TCF12: variants seen among roughly 807,000 people sequenced by gnomAD.
TCF12 encodes the protein transcription factor 12, also known as DNA-binding protein HTF4.
TCF12 carries 45 observed loss-of-function variants against 86.0 expected under a neutral mutation model. The ratio of observed to expected loss-of-function variants is 0.52; its 90% CI spans 0.41 to 0.67. The LOEUF (loss-of-function observed/expected upper bound fraction) is 0.67. Among genes scored for constraint, TCF12 ranks in the 30% least tolerant of loss-of-function variants. The pLI is 0.00. For synonymous variants in TCF12, 330 were observed against 299.6 expected, an observed-to-expected ratio of 1.10 and a Z score of -1.05; for missense variants, 881 against 859.9, an observed-to-expected ratio of 1.02 and a Z score of -0.31.
chr15:57,194,761 A>G (rs538882123), intron 7 of TCF12, among the ~76,000 whole-genome samples: 1 of 152,304 alleles, frequency 6.6e-6, no homozygotes, highest in East Asian at 1.9e-4. Flanking sequence ...CAATACATGA[A>G]ATACACAAAA....
chr15:57,238,668 C>A (rs1039670601), intron 12 of TCF12, among the ~76,000 whole-genome samples: 1 of 152,104 alleles, frequency 6.6e-6, no homozygotes, highest in African/African-American at 2.4e-5. Flanking sequence ...AGTATTATAG[C>A]AAATTTCAAT....
chr15:57,239,328 G>A (rs1228600395), intron 12 of TCF12, among the ~76,000 whole-genome samples: 2 of 151,928 alleles, frequency 1.3e-5, no homozygotes, highest in African/African-American at 4.8e-5. Context: ...TCCAGCCTAG[G>A]CAACAAGAGC....
chr15:57,247,300 T>C, intron 13 of TCF12: 1 of 657,566 alleles, frequency 1.5e-6, no homozygotes, highest in Non-Finnish European at 2.8e-6. Flanking sequence ...TGCCACCACC[T>C]TCACCACCAT....
At chr15:57,011,380 C>T (rs79422565) in intron 3 of TCF12, among the ~76,000 whole-genome samples, 6,261 of 151,946 alleles carry the variant, frequency 0.041, 360 homozygotes, top group African/African-American at 0.13. Context: ...GAGACACCTG[C>T]CCCCCGCTTT....
intron 6 of TCF12, among the ~76,000 whole-genome samples, chr15:57,168,381 T>C (rs774299075): frequency 6.6e-6 from 1 of 152,196 alleles, no homozygotes; most frequent in Non-Finnish European, 1.5e-5. Context: ...CTAGCCCCCA[T>C]TAAGGTATCT....
chr15:57,115,773 C>G (rs2050795520), intron 5 of TCF12, among the ~76,000 whole-genome samples: 1 of 151,834 alleles, frequency 6.6e-6, no homozygotes, highest in Non-Finnish European at 1.5e-5. Flanking sequence ...GTGTGGTGTA[C>G]CATGGATGAC....
rs573579853 is a variant in TCF12 at position 57,288,315 on chromosome 15, A to T, written c.*2170A>T. ...TGTAAGAGCTAATTGTTGGAGATGA[A>T]TTGCTTCTCATCTTGTTCTCCAGTT... On this transcript the variant is annotated 3_prime_UTR_variant, in exon 21 of 21. Coordinates refer to ENST00000333725, the MANE Select transcript of TCF12 (RefSeq NM_207037.2). 2 of 152,702 alleles carry T rather than the reference A, an allele frequency of 1.3e-5. No individual in the cohort carries two copies. The highest frequency in any genetic ancestry group is 4.2e-4 in the South Asian group (2 of 4,818). The allele number at this position is 152,702 out of a possible 1,614,324, so 9.5% of individuals were successfully genotyped here.
Position 57,092,151 on chromosome 15 carries a change from G to T in TCF12, c.325+260G>T, listed in dbSNP as rs533750392. The T allele has an allele frequency of 1.8e-5, 6 of 327,152 alleles. No homozygotes were observed. In the Admixed American group the frequency reaches 2.6e-4, roughly 14 times the overall value. The allele number at this position is 327,152 out of a possible 1,614,324, so 20.3% of individuals were successfully genotyped here. On this transcript the variant is annotated intron_variant, in intron 5 of 20. Transcript: ENST00000333725. Reference sequence around the variant, plus strand: ...GATTGTCAGTTTTGGCAATGTCTTTGTGACCTCAAGCATTACATGTTTTCT... The same window carrying T: ...GATTGTCAGTTTTGGCAATGTCTTTTTGACCTCAAGCATTACATGTTTTCT...
chr15:57,027,381 A>G (rs1431830448), intron 3 of TCF12, among the ~76,000 whole-genome samples: 3 of 152,216 alleles, frequency 2.0e-5, no homozygotes, highest in Non-Finnish European at 4.4e-5. Flanking sequence ...AGATTTATCC[A>G]AGTTGTTGCA....
chr15:57,170,805 ATTT>A (rs58751405), intron 6 of TCF12, among the ~76,000 whole-genome samples: 37 of 51,364 alleles, frequency 7.2e-4, no homozygotes, highest in African/African-American at 4.0e-3. Context: ...TATATATATA[ATTT>A]TTTTTTTTTT....
At chr15:57,237,964 A>G (rs1203129420) in intron 12 of TCF12, among the ~76,000 whole-genome samples, 3 of 152,158 alleles carry the variant, frequency 2.0e-5, no homozygotes, top group African/African-American at 7.2e-5. Context: ...TATGAAAGTA[A>G]AAGTGATTTT....
At chr15:57,163,257 A>G (rs1265365479) in intron 5 of TCF12, among the ~76,000 whole-genome samples, 2 of 152,224 alleles carry the variant, frequency 1.3e-5, no homozygotes, top group Non-Finnish European at 2.9e-5. Flanking sequence ...GTTTATTGAT[A>G]TGATACATAA....
chr15:57,266,968 A>G (rs8039543), intron 18 of TCF12, among the ~76,000 whole-genome samples: 1 of 152,208 alleles, frequency 6.6e-6, no homozygotes, highest in African/African-American at 2.4e-5. Context: ...GTTTGAGGCT[A>G]TAGTGAGCCA....
chr15:57,006,531 G>A (rs992399714), intron 3 of TCF12, among the ~76,000 whole-genome samples: 6 of 151,978 alleles, frequency 3.9e-5, no homozygotes, highest in East Asian at 1.9e-4. Context: ...GGAGGCTCAC[G>A]CCTGTAATCC....
At chr15:56,925,535 A>G (rs1212165568) in intron 3 of TCF12, among the ~76,000 whole-genome samples, 2 of 152,218 alleles carry the variant, frequency 1.3e-5, no homozygotes, top group Admixed American at 1.3e-4. Context: ...ATTGGGCAAT[A>G]AACAATGCTG....
chr15:57,059,547 G>C (rs1176010197), intron 3 of TCF12, among the ~76,000 whole-genome samples: 33 of 152,048 alleles, frequency 2.2e-4, no homozygotes, highest in Admixed American at 2.2e-3. Context: ...GGAGTCTTTA[G>C]TGATAGGTCT....
intron 5 of TCF12, among the ~76,000 whole-genome samples, chr15:57,104,296 T>C (rs2585077): frequency 0.021 from 3,214 of 152,074 alleles, 128 homozygotes; most frequent in African/African-American, 0.07. Context: ...AGGGAAAAAA[T>C]GTTTAGCCAC....
At chr15:57,221,688 G>T (rs912627220) in intron 8 of TCF12, among the ~76,000 whole-genome samples, 2 of 151,976 alleles carry the variant, frequency 1.3e-5, no homozygotes, top group Admixed American at 1.3e-4. Flanking sequence ...TATAAATAAA[G>T]AGATGATATG....
At chr15:57,187,311 T>C (rs1268777697) in intron 6 of TCF12, among the ~76,000 whole-genome samples, 1 of 152,160 alleles carries the variant, frequency 6.6e-6, no homozygotes, top group Non-Finnish European at 1.5e-5. Flanking sequence ...CTAATATACT[T>C]GTTGGTAACA....
Sources: gnomAD v4.1 joint callset for allele counts (sites outside exome capture counted in the v4.1 genomes callset) on GRCh38, gnomAD v4.1.1 for gene constraint, MANE v1.5 for transcripts, NCBI Gene and HGNC (gene_info 2026-07-23, HGNC 2026-07-21) for gene names.